BCKDHB: variants seen among roughly 807,000 people sequenced by gnomAD.
BCKDHB encodes the protein branched chain keto acid dehydrogenase E1 subunit beta.
Under a neutral mutation model 48.5 loss-of-function variants are expected in BCKDHB, and 41 were observed. That is an observed-to-expected ratio of 0.85 (90% CI 0.66 to 1.10). The LOEUF is 1.10. Among genes scored for constraint, BCKDHB ranks in the 50% least tolerant of loss-of-function variants. BCKDHB has a pLI of 0.00. For missense variants in BCKDHB, 496 were observed against 494.2 expected (o/e 1.00, Z -0.03); for synonymous variants, 201 against 174.8 (o/e 1.15, Z -1.18).
chr6:80,143,527 T>A (rs1771324546), intron 3 of BCKDHB, among the ~76,000 whole-genome samples: 1 of 152,146 alleles, frequency 6.6e-6, no homozygotes, highest in African/African-American at 2.4e-5. Context: ...TATGCAAAAG[T>A]CATAGAGAAT....
chr6:80,301,398 A>C (rs954847690), intron 9 of BCKDHB, among the ~76,000 whole-genome samples: 1 of 152,214 alleles, frequency 6.6e-6, no homozygotes, highest in East Asian at 1.9e-4. Flanking sequence ...TACTGTGGAC[A>C]ATTCTGTGCA....
the BCKDHB span, among the ~76,000 whole-genome samples, chr6:80,446,326 G>A: frequency 6.6e-6 from 1 of 152,344 alleles, no homozygotes; most frequent in Non-Finnish European, 1.5e-5. Flanking sequence ...CTACAGCCAG[G>A]CACGTGGGCA....
At chr6:80,346,892 C>T (rs1244833375), downstream of BCKDHB, among the ~76,000 whole-genome samples, 3 of 151,558 alleles carry the variant, frequency 2.0e-5, no homozygotes, top group African/African-American at 4.9e-5. Context: ...TCCCATAGTT[C>T]CAGAAGATTT....
At chr6:80,292,371 G>T (rs1388354411) in intron 9 of BCKDHB, among the ~76,000 whole-genome samples, 1 of 152,150 alleles carries the variant, frequency 6.6e-6, no homozygotes, top group Non-Finnish European at 1.5e-5. Flanking sequence ...TGGAAGAGCA[G>T]GGGAGGTCTT....
intron 9 of BCKDHB, among the ~76,000 whole-genome samples, chr6:80,329,891 A>G (rs1769234998): frequency 6.6e-6 from 1 of 152,064 alleles, no homozygotes; most frequent in South Asian, 2.1e-4. Flanking sequence ...CCTTCCCCCA[A>G]CTAAAACATA....
intron 8 of BCKDHB, among the ~76,000 whole-genome samples, chr6:80,214,988 C>T (rs1397193346): frequency 1.3e-5 from 2 of 151,896 alleles, no homozygotes; most frequent in Non-Finnish European, 2.9e-5. Flanking sequence ...GTTTATATTT[C>T]TGAGGGTAGA....
At chr6:80,279,445 C>CA (rs1234208004) in intron 9 of BCKDHB, among the ~76,000 whole-genome samples, 1 of 152,080 alleles carries the variant, frequency 6.6e-6, no homozygotes, top group East Asian at 1.9e-4. Flanking sequence ...CGTGAGCCGC[C>CA]AGACCCATCC....
chr6:80,335,790 A>G (rs1327316418), intron 9 of BCKDHB, among the ~76,000 whole-genome samples: 1 of 152,074 alleles, frequency 6.6e-6, no homozygotes, highest in Non-Finnish European at 1.5e-5. Context: ...TTGATAGTTC[A>G]AGACTATGCA....
rs190881502 is a variant in BCKDHB at position 80,323,215 on chromosome 6, T to C, written c.1039-20449T>C. ...ACCAGCATCTTGTATGCTCCATAGG[T>C]GTTAGCTGTCTGTTTGTAATAATAT... On this transcript the variant is annotated intron_variant, in intron 9 of 9. Transcript: ENST00000320393. Among the ~76,000 whole-genome samples, 63 of 152,106 alleles carry C rather than the reference T, an allele frequency of 4.1e-4. 1 individual carries two copies. Among genetic ancestry groups the C allele is most frequent in the Middle Eastern group, 3.4e-3 (1 of 294 alleles).
At chr6:80,141,424 G>T (rs966267937) in intron 3 of BCKDHB, among the ~76,000 whole-genome samples, 1 of 152,100 alleles carries the variant, frequency 6.6e-6, no homozygotes, top group South Asian at 2.1e-4. Flanking sequence ...TTTTCTGAGT[G>T]CATTAGGTTG....
At chr6:80,329,462 T>G (rs1190830563) in intron 9 of BCKDHB, among the ~76,000 whole-genome samples, 1 of 152,150 alleles carries the variant, frequency 6.6e-6, no homozygotes, top group Non-Finnish European at 1.5e-5. Flanking sequence ...TAGCTACCCC[T>G]GTATATATTC....
At chr6:80,153,004 C>T (rs933882681) in intron 3 of BCKDHB, among the ~76,000 whole-genome samples, 1 of 152,126 alleles carries the variant, frequency 6.6e-6, no homozygotes, top group South Asian at 2.1e-4. Flanking sequence ...GGGCTTTGGG[C>T]CCCCTTGGTT....
At chr6:80,209,337 T>C (rs1774815405) in intron 8 of BCKDHB, among the ~76,000 whole-genome samples, 2 of 151,890 alleles carry the variant, frequency 1.3e-5, no homozygotes, top group African/African-American at 4.8e-5. Context: ...TAAAGGCCCA[T>C]AAACTGAAGC....
At chr6:80,356,262 T>A in the BCKDHB span, 2 of 152,292 alleles carry the variant, frequency 1.3e-5, no homozygotes, top group East Asian at 3.9e-4. Flanking sequence ...ACACTTTAAG[T>A]CCCAGCTTGG....
the BCKDHB span, among the ~76,000 whole-genome samples, chr6:80,377,172 C>G: frequency 6.6e-6 from 1 of 151,778 alleles, no homozygotes; most frequent in Non-Finnish European, 1.5e-5. Context: ...TTTCAAGTAG[C>G]TGGATTTACA....
chr6:80,433,228 C>T, the BCKDHB span, among the ~76,000 whole-genome samples: 180 of 138,744 alleles, frequency 1.3e-3, 1 homozygote, highest in African/African-American at 4.0e-3. Context: ...AGCTGTCAGG[C>T]GGGGACGTAT....
intron 8 of BCKDHB, among the ~76,000 whole-genome samples, chr6:80,220,364 TCAAGTTATG>T (rs1775375937): frequency 6.8e-6 from 1 of 148,094 alleles, no homozygotes; most frequent in East Asian, 2.0e-4. Flanking sequence ...TACATTTTTT[TCAAGTTATG>T]TTCTATAGAT....
chr6:80,424,897 A>G, the BCKDHB span, among the ~76,000 whole-genome samples: 1 of 152,190 alleles, frequency 6.6e-6, no homozygotes, highest in Admixed American at 6.5e-5. Flanking sequence ...TGGAATAGAG[A>G]GCGGAAAAGA....
chr6:80,146,178 G>A (rs923474171), intron 3 of BCKDHB, among the ~76,000 whole-genome samples: 2 of 152,006 alleles, frequency 1.3e-5, no homozygotes, highest in African/African-American at 2.4e-5. Context: ...TCAAATGTGC[G>A]GCCAAGTTTG....
Sources: allele counts gnomAD v4.1 joint callset (sites outside exome capture counted in the v4.1 genomes callset), GRCh38; gene constraint gnomAD v4.1.1; transcripts MANE v1.5; gene names NCBI Gene and HGNC (gene_info 2026-07-23, HGNC 2026-07-21).